CACNG2: variants seen among roughly 807,000 people sequenced by gnomAD.
CACNG2 encodes voltage-dependent calcium channel gamma-2 subunit.
A neutral mutation model predicts 25.9 loss-of-function variants in CACNG2; 3 were observed. The observed-to-expected ratio is 0.12, with a 90% CI of 0.05 to 0.30. CACNG2 has a LOEUF of 0.30. Ranked by LOEUF, CACNG2 falls within the 10% of genes least tolerant of loss-of-function variation. The probability of loss-of-function intolerance (pLI) is 1.00; values close to 1 mark genes in which losing one functional copy is unlikely to be tolerated. For synonymous variants in CACNG2, 167 were observed against 173.3 expected, an observed-to-expected ratio of 0.96 and a Z score of 0.29; for missense variants, 341 against 432.5, an observed-to-expected ratio of 0.79 and a Z score of 1.88.
In CACNG2 at chr22:36,591,826, G is replaced by A. The variant is rs566143719; in HGVS notation, c.212-4278C>T. The stretch of plus-strand genomic sequence containing the variant: ...TGTGCCAGGAGGGACAGCAGAGCTC[G>A]TGGGTGCAGTGCTGGGGATGGGCAG... On this transcript the variant is annotated intron_variant, in intron 1 of 3. Transcript: ENST00000300105. Among the ~76,000 whole-genome samples the A allele has an allele frequency of 1.1e-4, 16 of 152,206 alleles. No homozygotes were observed. In the South Asian group the frequency reaches 2.7e-3, roughly 26 times the overall value.
At chr22:36,662,173 G>A (rs1473749788) in intron 1 of CACNG2, among the ~76,000 whole-genome samples, 1 of 151,284 alleles carries the variant, frequency 6.6e-6, no homozygotes, top group Non-Finnish European at 1.5e-5. Context: ...GTAGAGATGG[G>A]GTTTTGCCAT....
chr22:36,564,089 C>A lies in CACNG2; in HGVS notation c.*262G>T. 1 of 329,018 alleles carries A rather than the reference C, an allele frequency of 3.0e-6. No homozygotes were observed. Among genetic ancestry groups the A allele is most frequent in the East Asian group, 4.8e-5 (1 of 21,028 alleles). 20.4% of individuals were successfully genotyped at this position (329,018 alleles called of 1,614,324 possible). A position where few individuals can be genotyped will look rare whatever the true frequency, so the allele number is the denominator to read the frequency against. Reference sequence around the variant, plus strand: ...CTTTTTTTTAAAGTTTGTTTTCTTCCCTCGTTTATATTTTCCCACATTTCC... The same window carrying A: ...CTTTTTTTTAAAGTTTGTTTTCTTCACTCGTTTATATTTTCCCACATTTCC... On this transcript the variant is annotated 3_prime_UTR_variant, in exon 4 of 4. Transcript: ENST00000300105. The surrounding 1 kb of genome is among the most constrained non-coding windows in gnomAD (Gnocchi z 6.7).
chr22:36,590,647 G>C (rs576621255), intron 1 of CACNG2, among the ~76,000 whole-genome samples: 40 of 152,126 alleles, frequency 2.6e-4, no homozygotes, highest in Non-Finnish European at 5.4e-4. Flanking sequence ...CCACTCATCA[G>C]TTTGCACCCA....
At chr22:36,634,945 C>T (rs538205943) in intron 1 of CACNG2, among the ~76,000 whole-genome samples, 78 of 152,258 alleles carry the variant, frequency 5.1e-4, no homozygotes, top group Middle Eastern at 3.4e-3. Flanking sequence ...CTTAATAAAT[C>T]ACCCAGATAT....
At chr22:36,572,624 C>A (rs1219258754) in intron 2 of CACNG2, among the ~76,000 whole-genome samples, 1 of 151,914 alleles carries the variant, frequency 6.6e-6, no homozygotes, top group African/African-American at 2.4e-5. Context: ...ATCGTTTGAA[C>A]CCAGGAGGCA....
rs181398759 is a variant in CACNG2, at chr22:36,585,500, C to A, written c.295+1965G>T. 2.0e-5 allele frequency: 3 copies of A among 152,318 alleles called. No homozygotes were observed. The East Asian group carries it at 5.8e-4, about 29-fold the overall frequency. The allele number at this position is 152,318 out of a possible 1,614,324, so 9.4% of individuals were successfully genotyped here. A position where few individuals can be genotyped will look rare whatever the true frequency, so the allele number is the denominator to read the frequency against. On this transcript the variant is annotated intron_variant, in intron 2 of 3. Transcript: ENST00000300105. ...TAGCATTTTATAGACCAGGGGTCAG[C>A]AAACTATACCAAATGAAGCCTGCTG...
At chr22:36,638,825 T>C (rs1936398650) in intron 1 of CACNG2, among the ~76,000 whole-genome samples, 1 of 152,216 alleles carries the variant, frequency 6.6e-6, no homozygotes, top group South Asian at 2.1e-4. Context: ...ACTTTTTATA[T>C]TGAATAAAAA....
chr22:36,605,107 C>CT (rs1935811757), intron 1 of CACNG2, among the ~76,000 whole-genome samples: 1 of 152,004 alleles, frequency 6.6e-6, no homozygotes, highest in Non-Finnish European at 1.5e-5. Context: ...CAGATTCTCA[C>CT]TTTTTTGCCT....
At chr22:36,698,140 C>T (rs1569055984) in intron 1 of CACNG2, among the ~76,000 whole-genome samples, 1 of 151,918 alleles carries the variant, frequency 6.6e-6, no homozygotes, top group Non-Finnish European at 1.5e-5. Flanking sequence ...CCCTTCTCTC[C>T]CTCTCTCCTT....
At chr22:36,604,330 C>G (rs1235432538) in intron 1 of CACNG2, among the ~76,000 whole-genome samples, 1 of 152,122 alleles carries the variant, frequency 6.6e-6, no homozygotes, top group African/African-American at 2.4e-5. Context: ...GAATCTGTTC[C>G]TGTTGAAGAT....
intron 1 of CACNG2, among the ~76,000 whole-genome samples, chr22:36,692,404 G>A (rs1435108762): frequency 6.6e-6 from 1 of 152,208 alleles, no homozygotes; most frequent in Non-Finnish European, 1.5e-5. Flanking sequence ...GGGCCCGGCA[G>A]TAACTAACAA....
At chr22:36,672,853 G>A (rs1025308051) in intron 1 of CACNG2, among the ~76,000 whole-genome samples, 1 of 152,214 alleles carries the variant, frequency 6.6e-6, no homozygotes, top group Non-Finnish European at 1.5e-5. Context: ...AAGCTTCTTG[G>A]GCTAAGGATG....
intron 1 of CACNG2, among the ~76,000 whole-genome samples, chr22:36,596,500 G>T (rs923406729): frequency 3.9e-5 from 6 of 151,970 alleles, no homozygotes; most frequent in Non-Finnish European, 7.4e-5. Context: ...AAGGAGGGAG[G>T]GGAGGAAGAG....
At chr22:36,684,414 G>A (rs997618931) in intron 1 of CACNG2, among the ~76,000 whole-genome samples, 1 of 151,960 alleles carries the variant, frequency 6.6e-6, no homozygotes, top group Non-Finnish European at 1.5e-5. Context: ...TCAGGAGTTT[G>A]AGACCAGCCT....
chr22:36,583,353 A>G (rs1276450971), intron 2 of CACNG2, among the ~76,000 whole-genome samples: 1 of 151,814 alleles, frequency 6.6e-6, no homozygotes, highest in East Asian at 1.9e-4. Context: ...GAATTGCTTG[A>G]ACCCAGGAGG....
chr22:36,572,760 C>T (rs903055843), intron 2 of CACNG2, among the ~76,000 whole-genome samples: 4 of 151,734 alleles, frequency 2.6e-5, no homozygotes, highest in African/African-American at 9.7e-5. Context: ...CTGGATTTGG[C>T]CTGCTAGTCA....
chr22:36,581,326 A>T (rs943015674), intron 2 of CACNG2, among the ~76,000 whole-genome samples: 6 of 152,174 alleles, frequency 3.9e-5, no homozygotes, highest in African/African-American at 1.2e-4. Flanking sequence ...TCAGTTACTC[A>T]TAGGCACTGG....
Position 36,690,174 on chromosome 22 carries a change from C to A in CACNG2, c.211+12192G>T, listed in dbSNP as rs1937250407. Among the ~76,000 whole-genome samples, 4 of 152,216 alleles carry A rather than the reference C, an allele frequency of 2.6e-5. 1 individual carries two copies. The South Asian group carries it at 8.3e-4, about 31-fold the overall frequency. Reference sequence around the variant, plus strand: ...GAGGATTTGCAAACTTCGACGCCTACAGAGGCCGGGAAACGGCCACGCACG... The same window carrying A: ...GAGGATTTGCAAACTTCGACGCCTAAAGAGGCCGGGAAACGGCCACGCACG... On this transcript the variant is annotated intron_variant, in intron 1 of 3. Transcript: ENST00000300105.
Position 36,670,855 on chromosome 22 carries a change from G to C in CACNG2, c.211+31511C>G, listed in dbSNP as rs143738877. Reference sequence around the variant, plus strand: ...TCTGAAGGGGAAACTGAGGCTCAGAGAATTAAAGTCATCTGTCCAAAGAGC... The same window carrying C: ...TCTGAAGGGGAAACTGAGGCTCAGACAATTAAAGTCATCTGTCCAAAGAGC... On this transcript the variant is annotated intron_variant, in intron 1 of 3. Coordinates refer to ENST00000300105, the MANE Select transcript of CACNG2 (RefSeq NM_006078.5). Among the ~76,000 whole-genome samples, 1,063 of 151,676 alleles carry C rather than the reference G, an allele frequency of 7.0e-3. 9 individuals are homozygous for C. Among genetic ancestry groups the C allele is most frequent in the Non-Finnish European group, 7.1e-3 (481 of 67,962 alleles).
Sources: allele counts gnomAD v4.1 joint callset (sites outside exome capture counted in the v4.1 genomes callset), GRCh38; gene constraint gnomAD v4.1.1; non-coding constraint Gnocchi (gnomAD v3.1); transcripts MANE v1.5; gene names NCBI Gene and HGNC (gene_info 2026-07-23, HGNC 2026-07-21).